ZMYM4: variants seen among roughly 807,000 people sequenced by gnomAD.
ZMYM4 encodes the protein zinc finger MYM-type protein 4.
In ZMYM4, 31 loss-of-function variants were observed where a neutral mutation model predicts 183.2. That is an observed-to-expected ratio of 0.17 (90% CI 0.13 to 0.23). The LOEUF (loss-of-function observed/expected upper bound fraction) is 0.23, where lower values mean the gene tolerates loss of function less well. ZMYM4 is among the 10% of genes least tolerant of loss of function. ZMYM4 has a pLI of 1.00. For missense variants in ZMYM4, 1,273 were observed against 1,840.3 expected, an observed-to-expected ratio of 0.69 and a Z score of 5.64; for synonymous variants, 592 against 631.2, an observed-to-expected ratio of 0.94 and a Z score of 0.93.
chr1:35,399,066 A>G, intron 22 of ZMYM4, 23 bp downstream of exon 22: 4 of 1,608,734 alleles, frequency 2.5e-6, no homozygotes, highest in Non-Finnish European at 1.7e-6. Context: ...TAACCTGTCC[A>G]CTGAAAGCTT....
At chr1:35,404,993 A>G in intron 23 of ZMYM4, 30 bp from the exon 24 acceptor site, 1 of 1,557,210 alleles carries the variant, frequency 6.4e-7, no homozygotes, top group South Asian at 1.2e-5. Context: ...ACTAAATTTT[A>G]TGTTCTGTAA....
At chr1:35,410,489 A>AATTT (rs1223170509) in intron 26 of ZMYM4, among the ~76,000 whole-genome samples, 1 of 151,022 alleles carries the variant, frequency 6.6e-6, no homozygotes, top group African/African-American at 2.4e-5. Context: ...TTTATTAATT[A>AATTT]ATTTATTTAT....
rs188168846 is a variant in ZMYM4, at chr1:35,307,736, G to A, written c.40-17624G>A. On this transcript the variant is annotated intron_variant, in intron 1 of 29. Transcript: ENST00000314607. Reference sequence around the variant, plus strand: ...TTTTTAGTAGAGACAGGGTTTCACCGTGTTAGCTAGGATGGTCTCGATCTC... The same window carrying A: ...TTTTTAGTAGAGACAGGGTTTCACCATGTTAGCTAGGATGGTCTCGATCTC... Among the ~76,000 whole-genome samples, 370 of 151,564 alleles carry A rather than the reference G, an allele frequency of 2.4e-3. 2 individuals are homozygous for A. The highest frequency in any genetic ancestry group is 7.9e-3 in the African/African-American group (327 of 41,376).
chr1:35,285,956 TGA>T (rs1640460814), intron 1 of ZMYM4, among the ~76,000 whole-genome samples: 1 of 152,220 alleles, frequency 6.6e-6, no homozygotes, highest in Admixed American at 6.5e-5. Flanking sequence ...GGTGAAAGAC[TGA>T]GAGATTTTAT....
chr1:35,285,322 C>G (rs899654984), intron 1 of ZMYM4, among the ~76,000 whole-genome samples: 4 of 151,912 alleles, frequency 2.6e-5, no homozygotes, highest in Non-Finnish European at 4.4e-5. Flanking sequence ...AATGTCTTTC[C>G]ATTTATTTTG....
rs533487142 is a variant in ZMYM4 at position 35,420,131 on chromosome 1, G to A, written c.*454G>A. ...CAGAGCTAAGAGTGACATCAAATGA[G>A]GACTGTGGGACCCAGATTTGAAGAC... On this transcript the variant is annotated 3_prime_UTR_variant, in exon 30 of 30. Coordinates refer to ENST00000314607, the MANE Select transcript of ZMYM4 (RefSeq NM_005095.3). The A allele has an allele frequency of 1.3e-4, 20 of 159,442 alleles. No individual in the cohort carries two copies. Among genetic ancestry groups the A allele is most frequent in the Non-Finnish European group, 2.8e-5 (2 of 71,628 alleles). The allele number at this position is 159,442 out of a possible 1,614,324, so 9.9% of individuals were successfully genotyped here.
chr1:35,278,581 A>G (rs1639989643), intron 1 of ZMYM4, among the ~76,000 whole-genome samples: 1 of 152,034 alleles, frequency 6.6e-6, no homozygotes, highest in South Asian at 2.1e-4. Flanking sequence ...GCGTGCCGCC[A>G]TGCCTGGCTA....
chr1:35,312,587 A>G (rs1235665994), intron 1 of ZMYM4, among the ~76,000 whole-genome samples: 2 of 151,996 alleles, frequency 1.3e-5, no homozygotes, highest in African/African-American at 4.8e-5. Context: ...CAGTGGTACT[A>G]GTACTTTTTT....
At chr1:35,291,647 T>C (rs1640767407) in intron 1 of ZMYM4, among the ~76,000 whole-genome samples, 1 of 149,772 alleles carries the variant, frequency 6.7e-6, no homozygotes, top group African/African-American at 2.4e-5. Flanking sequence ...TTTTTTTTTT[T>C]TTTTTTTGAG....
chr1:35,342,927 C>T (rs896497679), intron 2 of ZMYM4, among the ~76,000 whole-genome samples: 6 of 152,060 alleles, frequency 3.9e-5, no homozygotes, highest in African/African-American at 1.4e-4. Context: ...AGCGACCTGC[C>T]CGCCTCAGCC....
At position 35,370,615 on chromosome 1, in the gene ZMYM4, C is replaced by T; in HGVS notation, c.1169C>T (p.Ser390Leu). The T allele has an allele frequency of 6.2e-7, 1 of 1,607,396 alleles. No homozygotes were observed. The highest frequency in any genetic ancestry group is 8.5e-7 in the Non-Finnish European group (1 of 1,176,104). ...CCTCCTCTCACCAAGAAAACTTGTT[C>T]AAGTTGCTCAAAGTATAGCAGAATT... ...PPPPLTKKTC[S>L]SCSKDILNPK... The change falls in exon 7 of 30, where the codon TCA (serine) becomes TTA (leucine). Residue 390 changes from serine (S) to leucine (L), a missense_variant. Around this residue, in one of 6 missense-constraint regions of ZMYM4, gnomAD observed 384 missense variants for 465.6 expected, o/e 0.82. Transcript: ENST00000314607.
In ZMYM4 at chr1:35,386,993, G is replaced by T. The variant is rs1396966501; in HGVS notation, c.1837-10G>T. 1 of 1,609,544 alleles carries T rather than the reference G, an allele frequency of 6.2e-7. No homozygotes were observed. The highest frequency in any genetic ancestry group is 1.1e-5 in the South Asian group (1 of 90,710). On this transcript the variant is annotated splice_polypyrimidine_tract_variant and intron_variant, in intron 11 of 29. Coordinates refer to ENST00000314607, the MANE Select transcript of ZMYM4 (RefSeq NM_005095.3). ...TTAAATTGATACTTTTTGTTGTTTT[G>T]TTTTTCCAGAATTTATTCAACAAAC... is the stretch of plus-strand genomic sequence containing the variant.
intron 7 of ZMYM4, among the ~76,000 whole-genome samples, chr1:35,379,642 G>A (rs1353317089): frequency 1.3e-5 from 2 of 152,224 alleles, no homozygotes; most frequent in Non-Finnish European, 2.9e-5. Flanking sequence ...TGGCGCAAGA[G>A]GCCTAGCTTT....
At chr1:35,299,947 A>G (rs1308165352) in intron 1 of ZMYM4, among the ~76,000 whole-genome samples, 14 of 151,966 alleles carry the variant, frequency 9.2e-5, no homozygotes, top group Non-Finnish European at 1.3e-4. Context: ...GGCGCCTGCC[A>G]CCACGCCTGG....
intron 2 of ZMYM4, among the ~76,000 whole-genome samples, chr1:35,344,814 G>T (rs1643333797): frequency 6.6e-6 from 1 of 152,108 alleles, no homozygotes; most frequent in African/African-American, 2.4e-5. Flanking sequence ...GTGTTTTCCT[G>T]GTTTTGGTCC....
intron 1 of ZMYM4, among the ~76,000 whole-genome samples, chr1:35,300,307 A>G (rs1641223154): frequency 6.6e-6 from 1 of 152,060 alleles, no homozygotes; most frequent in Non-Finnish European, 1.5e-5. Context: ...TACTCTTATT[A>G]TTTTTGTTCC....
rs1013941289 is a variant in ZMYM4, at chr1:35,355,200, CTTTTTTTTTTT to C, written c.86-3708_86-3698del. 6.5e-5 allele frequency among the ~76,000 whole-genome samples: 5 copies of C among 77,174 alleles called. 1 individual carries two copies. Among genetic ancestry groups the C allele is most frequent in the Admixed American group, 1.3e-4 (1 of 7,894 alleles). The allele number at this position is 77,174 out of a possible 152,430, so 50.6% of individuals were successfully genotyped here. A position where few individuals can be genotyped will look rare whatever the true frequency, so the allele number is the denominator to read the frequency against. On this transcript the variant is annotated intron_variant, in intron 2 of 29. Coordinates refer to ENST00000314607, the MANE Select transcript of ZMYM4 (RefSeq NM_005095.3). ...AGGTGCCCGTCACCACGCCTGGCTT[CTTTTTTTTTTT>C]TTTTTTTTTTTTTTTTAAGTAGAGA...
At chr1:35,407,599 A>G (rs903318936) in intron 25 of ZMYM4, among the ~76,000 whole-genome samples, 2 of 152,202 alleles carry the variant, frequency 1.3e-5, no homozygotes, top group African/African-American at 2.4e-5. Flanking sequence ...CAGCTCTCAC[A>G]TAAGACTAGT....
At chr1:35,308,407 C>T (rs982396777) in intron 1 of ZMYM4, among the ~76,000 whole-genome samples, 7 of 152,190 alleles carry the variant, frequency 4.6e-5, no homozygotes, top group Non-Finnish European at 1.0e-4. Flanking sequence ...GTGCCAGGTG[C>T]TTGAGAAATA....
Sources: gnomAD v4.1 joint callset for allele counts (sites outside exome capture counted in the v4.1 genomes callset) on GRCh38, gnomAD v4.1.1 for gene constraint, gnomAD v4.1.1 regional missense constraint, MANE v1.5 for transcripts, NCBI Gene and HGNC (gene_info 2026-07-23, HGNC 2026-07-21) for gene names.